Variants in ZNF550 observed in about 807,000 individuals in gnomAD.
ZNF550 encodes the protein zinc finger protein 550.
In ZNF550, 42 loss-of-function variants were observed where a neutral mutation model predicts 40.2. The ratio of observed to expected loss-of-function variants is 1.05; its 90% CI spans 0.82 to 1.35. The LOEUF (loss-of-function observed/expected upper bound fraction) is 1.35, where lower values mean the gene tolerates loss of function less well. ZNF550 is among the 40% of genes most tolerant of loss of function. The probability of loss-of-function intolerance (pLI) is 0.00; values close to 1 mark genes in which losing one functional copy is unlikely to be tolerated. For missense variants in ZNF550, 549 were observed against 525.2 expected, an observed-to-expected ratio of 1.05 and a Z score of -0.44; for synonymous variants, 223 against 198.6, an observed-to-expected ratio of 1.12 and a Z score of -1.03.
At position 57,554,632 on chromosome 19, in the gene ZNF550, A is replaced by G. The variant is rs2123363450; in HGVS notation, c.154+1599T>C. Reference sequence around the variant, plus strand: ...GAAGACCAATGACTGAGGTACAAGGATCCACAGAAACATCGACTGGCAGAT... The same window carrying G: ...GAAGACCAATGACTGAGGTACAAGGGTCCACAGAAACATCGACTGGCAGAT... On this transcript the variant is annotated intron_variant, in intron 2 of 4. Transcript: ENST00000457177. This position sits in a 1 kb window ranked among gnomAD's most constrained non-coding sequence, Gnocchi z 4.5. 1 of 152,420 alleles carries G rather than the reference A, an allele frequency of 6.6e-6. No homozygotes were observed. Among genetic ancestry groups the G allele is most frequent in the South Asian group, 2.1e-4 (1 of 4,832 alleles). 9.4% of individuals were successfully genotyped at this position (152,420 alleles called of 1,614,324 possible).
intron 1 of ZNF550, 87 bp from the exon 2 acceptor site, chr19:57,556,444 G>A: frequency 3.3e-6 from 5 of 1,518,124 alleles, no homozygotes; most frequent in Non-Finnish European, 4.4e-6. Context: ...TCAATGTGCA[G>A]AGAGATCCAG....
At chr19:57,547,790 G>A (rs1378818639) in exon 4 of ZNF550, 1 of 1,614,016 alleles carries the variant, frequency 6.2e-7, no homozygotes, top group Non-Finnish European at 8.5e-7. Flanking sequence ...ACTTTCCCAA[G>A]ATGGGTCTCC....
At chr19:57,544,033 GACTT>G in intron 4 of ZNF550, 1 of 985,432 alleles carries the variant, frequency 1.0e-6, no homozygotes, top group Non-Finnish European at 1.2e-6. Context: ...AACTTCTACT[GACTT>G]AAAAACGGGT....
Position 57,548,805 on chromosome 19 carries a change from T to C in ZNF550, c.251-812A>G, listed in dbSNP as rs542565977. 5.6e-4 allele frequency among the ~76,000 whole-genome samples: 86 copies of C among 152,252 alleles called. 1 individual carries two copies. The highest frequency in any genetic ancestry group is 2.1e-3 in the African/African-American group (86 of 41,552). ...ATGTTTACTGCAGTACTAGGCACAA[T>C]AGCCAAGATTTGGAAACAATTTAAG... On this transcript the variant is annotated intron_variant, in intron 3 of 4. Coordinates refer to ENST00000457177, the Ensembl canonical transcript of ZNF550.
chr19:57,545,380 T>G (rs532762916), intron 4 of ZNF550, among the ~76,000 whole-genome samples: 2 of 152,300 alleles, frequency 1.3e-5, no homozygotes, highest in South Asian at 2.1e-4. Context: ...TTTGCCTGTT[T>G]TAGCTATAAT....
upstream of ZNF550, among the ~76,000 whole-genome samples, chr19:57,560,123 A>C (rs1365624742): frequency 6.6e-6 from 1 of 152,112 alleles, no homozygotes; most frequent in Admixed American, 6.5e-5. Context: ...ACCCAGGTAA[A>C]CGAGTTTGAT....
chr19:57,547,886 C>G, exon 4 of ZNF550: 1 of 1,614,126 alleles, frequency 6.2e-7, no homozygotes, highest in Non-Finnish European at 8.5e-7. Context: ...AACCTCGAAT[C>G]ACTTGAGGTT....
exon 5 of ZNF550, chr19:57,542,474 G>A (rs2089969183): frequency 6.6e-6 from 1 of 151,724 alleles, no homozygotes; most frequent in Admixed American, 6.6e-5. Context: ...ATAATCAGAG[G>A]ATTTGAATCA....
exon 4 of ZNF550, chr19:57,547,221 C>G: frequency 6.2e-7 from 1 of 1,614,048 alleles, no homozygotes; most frequent in Non-Finnish European, 8.5e-7. Flanking sequence ...AATCATAGGG[C>G]TTCTCTCCAG....
intron 1 of ZNF550, chr19:57,556,579 A>G (rs2090123556): frequency 2.1e-6 from 1 of 476,024 alleles, no homozygotes; most frequent in South Asian, 2.4e-5. Context: ...GCTGTTGAAG[A>G]TGACACAAAC....
chr19:57,546,360 A>AG (rs1211821220), intron 4 of ZNF550: 1 of 426,404 alleles, frequency 2.3e-6, no homozygotes, highest in African/African-American at 2.2e-5. Flanking sequence ...AAAAAAAAAA[A>AG]AAGGAATAAA....
exon 4 of ZNF550, chr19:57,547,399 G>C: frequency 6.2e-7 from 1 of 1,613,542 alleles, no homozygotes; most frequent in Non-Finnish European, 8.5e-7. Flanking sequence ...TTTCTCTCCA[G>C]TGTGGATTGG....
intron 3 of ZNF550, among the ~76,000 whole-genome samples, chr19:57,548,293 G>C (rs1018852910): frequency 1.1e-4 from 17 of 152,108 alleles, no homozygotes; most frequent in African/African-American, 3.4e-4. Context: ...TGTCTGAAGG[G>C]CATTTGCTTT....
exon 4 of ZNF550, chr19:57,547,929 G>A (rs1486386378): frequency 6.2e-7 from 1 of 1,614,028 alleles, no homozygotes; most frequent in Non-Finnish European, 8.5e-7. Context: ...CCCGGAGAAA[G>A]GCCCGCTCAG....
rs989526286 is a variant in ZNF550 at position 57,556,491 on chromosome 19, G to T, written c.28-134C>A. 9.5e-6 allele frequency: 11 copies of T among 1,160,848 alleles called. No homozygotes were observed. In the South Asian group the frequency reaches 1.2e-4, roughly 13 times the overall value. The allele number at this position is 1,160,848 out of a possible 1,614,324, so 71.9% of individuals were successfully genotyped here. On this transcript the variant is annotated intron_variant, in intron 1 of 4. Transcript: ENST00000457177. ...CTAGGTCTCCTTTGGGCTGACTTCC[G>T]TGCAGGGCTCAAAGGGGAGGCAGAT...
At chr19:57,552,045 T>C (rs946021882) in intron 3 of ZNF550, among the ~76,000 whole-genome samples, 5 of 152,238 alleles carry the variant, frequency 3.3e-5, no homozygotes, top group African/African-American at 9.6e-5. Context: ...ATTACATTTA[T>C]GATGATTAAA....
At chr19:57,552,936 T>C (rs538304955) in intron 2 of ZNF550, 139 of 530,648 alleles carry the variant, frequency 2.6e-4, no homozygotes, top group Admixed American at 4.8e-4. Context: ...ACACCCAACG[T>C]GACTGTATAT....
At position 57,551,364 on chromosome 19, in the gene ZNF550, T is replaced by A. The variant is rs552123439; in HGVS notation, c.250+1263A>T. Among the ~76,000 whole-genome samples, 3 of 152,102 alleles carry A rather than the reference T, an allele frequency of 2.0e-5. No individual in the cohort carries two copies. The South Asian group carries it at 6.2e-4, about 32-fold the overall frequency. On this transcript the variant is annotated intron_variant, in intron 3 of 4. Coordinates refer to ENST00000457177, the Ensembl canonical transcript of ZNF550. The stretch of plus-strand genomic sequence containing the variant: ...GCTGCCCAGAGGAATGGGGCAGATG[T>A]GGGGAGACCTGTCAGGAGCCTCTGG...
At chr19:57,542,454 A>G (rs2089968887) in exon 5 of ZNF550, 1 of 151,940 alleles carries the variant, frequency 6.6e-6, no homozygotes, top group Non-Finnish European at 1.5e-5. Flanking sequence ...AATGGAGGAA[A>G]TACATGTCCA....
Sources: gnomAD v4.1 joint callset for allele counts (sites outside exome capture counted in the v4.1 genomes callset) on GRCh38, gnomAD v4.1.1 for gene constraint, Gnocchi (gnomAD v3.1) non-coding constraint, MANE v1.5 for transcripts, NCBI Gene and HGNC (gene_info 2026-07-23, HGNC 2026-07-21) for gene names.